DLG2: variants seen among roughly 807,000 people sequenced by gnomAD.
DLG2 encodes the protein discs large MAGUK scaffold protein 2.
In DLG2, 45 loss-of-function variants were observed where a neutral mutation model predicts 132.5. The observed-to-expected ratio is 0.34, with a 90% confidence interval of 0.27 to 0.44. The LOEUF (loss-of-function observed/expected upper bound fraction) is 0.44, where lower values mean the gene tolerates loss of function less well. Ranked by LOEUF, DLG2 falls within the 20% of genes least tolerant of loss-of-function variation. The pLI is 1.00. For missense variants in DLG2, 1,045 were observed against 1,196.9 expected (o/e 0.87, Z 1.87); for synonymous variants, 424 against 419.6 (o/e 1.01, Z -0.13).
chr11:85,189,474 G>C (rs1184201884), intron 4 of DLG2, among the ~76,000 whole-genome samples: 1 of 152,152 alleles, frequency 6.6e-6, no homozygotes, highest in East Asian at 1.9e-4. Context: ...GCATTATGCT[G>C]AGTGAAAGAA....
intron 7 of DLG2, among the ~76,000 whole-genome samples, chr11:84,491,780 T>C (rs1037449533): frequency 1.3e-5 from 2 of 152,148 alleles, no homozygotes; most frequent in Admixed American, 1.3e-4. Flanking sequence ...ACAGAAATCT[T>C]TTTTCTTGCT....
intron 3 of DLG2, among the ~76,000 whole-genome samples, chr11:85,493,487 T>C (rs1478493497): frequency 6.6e-6 from 1 of 152,170 alleles, no homozygotes; most frequent in Non-Finnish European, 1.5e-5. Flanking sequence ...CAAAGTACCA[T>C]GAACTGCGTA....
intron 3 of DLG2, among the ~76,000 whole-genome samples, chr11:85,325,211 G>T (rs2081373099): frequency 6.6e-6 from 1 of 151,414 alleles, no homozygotes; most frequent in South Asian, 2.1e-4. Flanking sequence ...GCCCGCCATT[G>T]CCCAGGCTTG....
intron 6 of DLG2, among the ~76,000 whole-genome samples, chr11:84,810,049 C>T (rs1224764683): frequency 6.6e-6 from 1 of 151,984 alleles, no homozygotes; most frequent in East Asian, 1.9e-4. Context: ...CAACCTAAAT[C>T]TTATGATATA....
intron 9 of DLG2, among the ~76,000 whole-genome samples, chr11:84,131,911 TA>T (rs1566639613): frequency 6.6e-6 from 1 of 151,996 alleles, no homozygotes; most frequent in African/African-American, 2.4e-5. Context: ...TTTCTGGCCA[TA>T]TATGTATGTG....
At position 83,455,705 on chromosome 11, in the gene DLG2, A is replaced by T. The variant is rs1399820348; in HGVS notation, c.*4113T>A. On this transcript the variant is annotated 3_prime_UTR_variant, in exon 28 of 28. Coordinates refer to ENST00000376104, the MANE Select transcript of DLG2 (RefSeq NM_001142699.3). ...TTCCAACCACAGTCATTCATACTCA[A>T]TGTAACGTGTGTACATGGTATACAT... 6.6e-6 allele frequency: 1 copy of T among 152,200 alleles called. No homozygotes were observed. The highest frequency in any genetic ancestry group is 1.5e-5 in the Non-Finnish European group (1 of 68,040). The allele number at this position is 152,200 out of a possible 1,614,324, so 9.4% of individuals were successfully genotyped here. A position where few individuals can be genotyped will look rare whatever the true frequency, so the allele number is the denominator to read the frequency against.
At chr11:83,463,266 A>C (rs1324879811) in intron 26 of DLG2, among the ~76,000 whole-genome samples, 6 of 152,152 alleles carry the variant, frequency 3.9e-5, no homozygotes, top group East Asian at 3.9e-4. Context: ...GAAAAAAAAA[A>C]AACAATATAT....
At chr11:83,842,718 A>T (rs1209031632) in intron 16 of DLG2, among the ~76,000 whole-genome samples, 1 of 150,090 alleles carries the variant, frequency 6.7e-6, no homozygotes, top group Non-Finnish European at 1.5e-5. Flanking sequence ...CGGGAGGCTG[A>T]GGCAGGAGAA....
At chr11:84,346,505 A>T (rs949693931) in intron 7 of DLG2, among the ~76,000 whole-genome samples, 1 of 152,194 alleles carries the variant, frequency 6.6e-6, no homozygotes, top group Non-Finnish European at 1.5e-5. Context: ...TGGGATTTGA[A>T]CCTAGATCTG....
intron 6 of DLG2, among the ~76,000 whole-genome samples, chr11:84,554,120 A>T (rs1164243149): frequency 6.6e-6 from 1 of 152,144 alleles, no homozygotes; most frequent in Non-Finnish European, 1.5e-5. Context: ...ATCTTCGTCC[A>T]TTCAGTTCAT....
chr11:84,999,876 G>A (rs2154130090), intron 6 of DLG2, among the ~76,000 whole-genome samples: 1 of 152,214 alleles, frequency 6.6e-6, no homozygotes, highest in African/African-American at 2.4e-5. Context: ...TTGCATACAT[G>A]TAGAGATAAA....
chr11:85,407,067 C>A (rs1288097608), intron 3 of DLG2, among the ~76,000 whole-genome samples: 1 of 151,756 alleles, frequency 6.6e-6, no homozygotes, highest in Non-Finnish European at 1.5e-5. Context: ...TGGCAGCTTA[C>A]AGGAAAAGCC....
At chr11:85,021,845 G>T (rs924919527) in intron 6 of DLG2, among the ~76,000 whole-genome samples, 5 of 152,030 alleles carry the variant, frequency 3.3e-5, no homozygotes, top group Non-Finnish European at 7.4e-5. Flanking sequence ...TTCACAAAAA[G>T]AAAATTTGCC....
At chr11:84,578,299 C>T (rs2099508170) in intron 6 of DLG2, among the ~76,000 whole-genome samples, 1 of 152,184 alleles carries the variant, frequency 6.6e-6, no homozygotes, top group Non-Finnish European at 1.5e-5. Context: ...GTGCTCCAGA[C>T]CCCAGAATGG....
At chr11:84,677,799 A>G (rs1158218731) in intron 6 of DLG2, among the ~76,000 whole-genome samples, 2 of 152,076 alleles carry the variant, frequency 1.3e-5, no homozygotes, top group Non-Finnish European at 2.9e-5. Flanking sequence ...AGGCTTAGGC[A>G]GGAGGATTTA....
chr11:84,517,601 A>T (rs939331183), intron 7 of DLG2, among the ~76,000 whole-genome samples: 3 of 152,002 alleles, frequency 2.0e-5, no homozygotes, highest in African/African-American at 7.2e-5. Flanking sequence ...TTCTTCAAAA[A>T]ACTGAAAATA....
At chr11:84,477,910 C>T (rs1057468058) in intron 7 of DLG2, among the ~76,000 whole-genome samples, 6 of 152,148 alleles carry the variant, frequency 3.9e-5, no homozygotes, top group African/African-American at 1.4e-4. Flanking sequence ...TATCATGTTT[C>T]AGGTACAATT....
chr11:84,230,087 A>T lies in DLG2; in HGVS notation c.573+21151T>A, dbSNP rs566323602. 2.0e-5 allele frequency among the ~76,000 whole-genome samples: 3 copies of T among 152,360 alleles called. No homozygotes were observed. In the East Asian group the frequency reaches 5.8e-4, roughly 29 times the overall value. On this transcript the variant is annotated intron_variant, in intron 8 of 27. Transcript: ENST00000376104. ...TTGCAAGTTATAATTTTTCAAGCCAATGAACTTAAAGAAGGTAATTTACAA... is the reference window on the plus strand; with the variant it reads ...TTGCAAGTTATAATTTTTCAAGCCATTGAACTTAAAGAAGGTAATTTACAA...
At chr11:85,466,828 G>T (rs569556918) in intron 3 of DLG2, among the ~76,000 whole-genome samples, 23 of 152,096 alleles carry the variant, frequency 1.5e-4, no homozygotes, top group Admixed American at 1.0e-3. Flanking sequence ...TTAAAGTAGT[G>T]TTTTCCAATT....
Sources: allele counts gnomAD v4.1 joint callset (sites outside exome capture counted in the v4.1 genomes callset), GRCh38; gene constraint gnomAD v4.1.1; transcripts MANE v1.5; gene names NCBI Gene and HGNC (gene_info 2026-07-23, HGNC 2026-07-21).